SHROOM1: variants seen among roughly 807,000 people sequenced by gnomAD.
SHROOM1 encodes the protein protein Shroom1.
SHROOM1 carries 53 observed loss-of-function variants against 64.2 expected under a neutral mutation model. The ratio of observed to expected loss-of-function variants is 0.83; its 90% confidence interval spans 0.66 to 1.04. The LOEUF is 1.04. Among genes scored for constraint, SHROOM1 ranks in the 50% least tolerant of loss-of-function variants. The probability of loss-of-function intolerance (pLI) is 0.00; values close to 1 mark genes in which losing one functional copy is unlikely to be tolerated. For synonymous variants in SHROOM1, 490 were observed against 518.9 expected, an observed-to-expected ratio of 0.94 and a Z score of 0.76; for missense variants, 1,179 against 1,163.2, an observed-to-expected ratio of 1.01 and a Z score of -0.20.
intron 1 of SHROOM1, among the ~76,000 whole-genome samples, chr5:132,828,433 G>A (rs1335505317): frequency 2.6e-5 from 4 of 152,130 alleles, no homozygotes; most frequent in Non-Finnish European, 4.4e-5. Flanking sequence ...TAAACTTTAG[G>A]AGGACAAGAA....
rs34156944 is a variant in SHROOM1, at chr5:132,823,659, C to A, written c.1917G>T (p.Gly639=). Residue 639 remains glycine, a synonymous_variant, in exon 8 of 10, where the codon GGG becomes GGT. Transcript: ENST00000378679. This position sits in a 1 kb window ranked among gnomAD's most constrained non-coding sequence, Gnocchi z 4.6. Reference sequence around the variant, plus strand: ...GGATGCTGTTGTTTGGTGCAGGGAGCCCCTGCCCACATGGCTGGTCAAGCA... The same window carrying A: ...GGATGCTGTTGTTTGGTGCAGGGAGACCCTGCCCACATGGCTGGTCAAGCA... ...HPVLDQPCGQ[G]LPAPNNSIQG... is the part of the protein sequence containing the mutation. 3.6e-3 allele frequency: 5,751 copies of A among 1,608,578 alleles called. 190 individuals carry two copies. The African/African-American group carries it at 0.067, about 19-fold the overall frequency.
rs1326098964 is a variant in SHROOM1 at position 132,822,310 on chromosome 5, A to G, written c.*486T>C. ...TAAATTAATTACCAAATAATACACAAGACCTGGGTGAGGCCACATGAGAAC... is the reference window on the plus strand; with the variant it reads ...TAAATTAATTACCAAATAATACACAGGACCTGGGTGAGGCCACATGAGAAC... On this transcript the variant is annotated 3_prime_UTR_variant, in exon 10 of 10. Coordinates refer to ENST00000378679, the MANE Select transcript of SHROOM1 (RefSeq NM_001172700.2). 1 of 148,206 alleles carries G rather than the reference A, an allele frequency of 6.7e-6. No homozygotes were observed. Among genetic ancestry groups the G allele is most frequent in the African/African-American group, 2.5e-5 (1 of 40,604 alleles). The allele number at this position is 148,206 out of a possible 1,614,324, so 9.2% of individuals were successfully genotyped here.
At position 132,825,440 on chromosome 5, in the gene SHROOM1, C is replaced by T. The variant is rs772739952; in HGVS notation, c.701G>A (p.Arg234Gln). Residue 234 changes from arginine to glutamine, a missense_variant, in exon 4 of 10, where the codon CGG becomes CAG. Coordinates refer to ENST00000378679, the MANE Select transcript of SHROOM1 (RefSeq NM_001172700.2). The surrounding 1 kb of genome is among the most constrained non-coding windows in gnomAD (Gnocchi z 5.1). ...SEPGKLDRVG[R>Q]GGGPARECLG... ...GCATTCCCGCGCCGGCCCACCGCCC[C>T]GACCCACACGATCCAGCTTTCCTGG... is the stretch of plus-strand genomic sequence containing the variant. 7 of 1,588,020 alleles carry T rather than the reference C, an allele frequency of 4.4e-6. No individual in the cohort carries two copies. Among genetic ancestry groups the T allele is most frequent in the Non-Finnish European group, 6.0e-6 (7 of 1,173,410 alleles).
At chr5:132,827,008 C>T (rs568006161) in intron 2 of SHROOM1, among the ~76,000 whole-genome samples, 73 of 152,346 alleles carry the variant, frequency 4.8e-4, no homozygotes, top group Non-Finnish European at 4.4e-4. Context: ...CCTACCTCCC[C>T]ATACACTATT....
rs1264201396 is a variant in SHROOM1 at position 132,823,275 on chromosome 5, G to A, written c.2201C>T (p.Ala734Val). 3 of 1,599,160 alleles carry A rather than the reference G, an allele frequency of 1.9e-6. No individual in the cohort carries two copies. In the South Asian group the frequency reaches 3.3e-5, roughly 18 times the overall value. The change falls in exon 9 of 10, where the codon GCC becomes GTC. Residue 734 changes from alanine to valine, a missense_variant. Coordinates refer to ENST00000378679, the MANE Select transcript of SHROOM1 (RefSeq NM_001172700.2). The surrounding 1 kb of genome is among the most constrained non-coding windows in gnomAD (Gnocchi z 4.6). ...CTGCTCATCAGGGTCGCTGTCTGAG[G>A]CCGCCCGGGCCAGGGCGCGGCGCAC... Reference protein sequence around the residue: ...ARVRRALARAASDSDPDEQAS... With the variant: ...ARVRRALARAVSDSDPDEQAS...
intron 1 of SHROOM1, among the ~76,000 whole-genome samples, chr5:132,829,125 C>T (rs1202380247): frequency 6.6e-6 from 1 of 152,228 alleles, no homozygotes; most frequent in Non-Finnish European, 1.5e-5. Flanking sequence ...CTCTCCAGAG[C>T]AGAGGGAGCA....
At position 132,826,334 on chromosome 5, in the gene SHROOM1, G is replaced by A; in HGVS notation, c.-100C>T. On this transcript the variant is annotated 5_prime_UTR_variant, in exon 3 of 10. Transcript: ENST00000378679. Reference sequence around the variant, plus strand: ...CTGGCATCCCCCAGATTTTGGCAGAGTCACCTTGGGATCAGAGGTGGCAGA... The same window carrying A: ...CTGGCATCCCCCAGATTTTGGCAGAATCACCTTGGGATCAGAGGTGGCAGA... 8.2e-7 allele frequency: 1 copy of A among 1,218,632 alleles called. No homozygotes were observed. The allele number at this position is 1,218,632 out of a possible 1,614,324, so 75.5% of individuals were successfully genotyped here.
In SHROOM1 at chr5:132,830,363, C is replaced by T. The variant is rs1758809050; in HGVS notation, c.-501+231G>A. The stretch of plus-strand genomic sequence containing the variant: ...GCGCCGCCAGCTTAGAGTGGGCCGC[C>T]TCTCCGCCCTGCAGCTCTGCAGCTG... On this transcript the variant is annotated intron_variant, in intron 1 of 9. Coordinates refer to ENST00000378679, the MANE Select transcript of SHROOM1 (RefSeq NM_001172700.2). This position sits in a 1 kb window ranked among gnomAD's most constrained non-coding sequence, Gnocchi z 5.9. The T allele has an allele frequency of 1.0e-6, 1 of 984,986 alleles. No homozygotes were observed. Among genetic ancestry groups the T allele is most frequent in the African/African-American group, 1.7e-5 (1 of 57,180 alleles). 61.0% of individuals were successfully genotyped at this position (984,986 alleles called of 1,614,324 possible).
Position 132,826,107 on chromosome 5 carries a change from A to G in SHROOM1, c.34T>C (p.Ser12Pro), listed in dbSNP as rs1175999444. The change falls in exon 4 of 10, where the codon TCC becomes CCC. Residue 12 changes from serine (S) to proline (P), a missense_variant. Coordinates refer to ENST00000378679, the MANE Select transcript of SHROOM1 (RefSeq NM_001172700.2). The stretch of plus-strand genomic sequence containing the variant: ...AGGCTGCTAGTGGACGAGGCCGGGG[A>G]GGCGCGGTCGCCCCCAGGTCCCAGG... The part of the protein sequence containing the change: ...EALGPGGDRA[S>P]PASSTSSLDL... 7.1e-7 allele frequency: 1 copy of G among 1,400,174 alleles called. No homozygotes were observed. The allele number at this position is 1,400,174 out of a possible 1,614,324, so 86.7% of individuals were successfully genotyped here. A position where few individuals can be genotyped will look rare whatever the true frequency, so the allele number is the denominator to read the frequency against.
In SHROOM1 at chr5:132,822,888, C is replaced by G. The variant is rs1194214439; in HGVS notation, c.2467G>C (p.Asp823His). The G allele has an allele frequency of 6.2e-7, 1 of 1,613,622 alleles. No homozygotes were observed. The highest frequency in any genetic ancestry group is 1.3e-5 in the African/African-American group (1 of 75,076). ...GGAGACGGGGCATGATGGCCAAGGT[C>G]GTCCCTGATGGCGTCCAGTTGGTCC... ...LQDQLDAIRD[D>H]LGHHAPSPSP... Residue 823 changes from aspartate to histidine, a missense_variant, in exon 10 of 10, where the codon GAC becomes CAC. Transcript: ENST00000378679.
chr5:132,829,997 G>C, intron 1 of SHROOM1: 1 of 985,478 alleles, frequency 1.0e-6, no homozygotes, highest in Non-Finnish European at 1.2e-6. Flanking sequence ...CACCCGGGGA[G>C]AGGCGGCCGC....
At position 132,823,330 on chromosome 5, in the gene SHROOM1, G is replaced by T; in HGVS notation, c.2146C>A (p.Leu716Met). 1 of 1,605,328 alleles carries T rather than the reference G, an allele frequency of 6.2e-7. No individual in the cohort carries two copies. The part of the protein sequence containing the change: ...MADLERVLGL[L>M]LLLGSRLARV... ...GCCAGGCGACTGCCCAGCAGCAGCA[G>T]AAGGCCAAGCACGCGCTCTAGGTCG... The change falls in exon 9 of 10, where the codon CTG becomes ATG. Residue 716 changes from leucine to methionine, a missense_variant. Physicochemically the swap from Leu to Met is conservative, Grantham distance 15 (BLOSUM62 2). Coordinates refer to ENST00000378679, the MANE Select transcript of SHROOM1 (RefSeq NM_001172700.2). This position sits in a 1 kb window ranked among gnomAD's most constrained non-coding sequence, Gnocchi z 4.6.
chr5:132,825,042 G>C lies in SHROOM1; in HGVS notation c.1010C>G (p.Pro337Arg). The C allele has an allele frequency of 1.2e-6, 2 of 1,614,124 alleles. No homozygotes were observed. The highest frequency in any genetic ancestry group is 1.7e-6 in the Non-Finnish European group (2 of 1,180,016). Residue 337 changes from proline to arginine, a missense_variant, in exon 5 of 10, where the codon CCA (proline) becomes CGA (arginine). Physicochemically the swap from Pro to Arg is moderately radical, Grantham distance 103. Coordinates refer to ENST00000378679, the MANE Select transcript of SHROOM1 (RefSeq NM_001172700.2). The surrounding 1 kb of genome is among the most constrained non-coding windows in gnomAD (Gnocchi z 5.1). Reference protein sequence around the residue: ...AVPQGAETPRPLFQTKLSRFL... With the variant: ...AVPQGAETPRRLFQTKLSRFL... ...CCTGGAAAGTTTGGTCTGAAACAAT[G>C]GTCTGGGGGTTTCTGCTCCTTGGGG...
At position 132,830,021 on chromosome 5, in the gene SHROOM1, C is replaced by T. The variant is rs1195695819; in HGVS notation, c.-501+573G>A. The T allele has an allele frequency of 1.0e-6, 1 of 985,344 alleles. No homozygotes were observed. 61.0% of individuals were successfully genotyped at this position (985,344 alleles called of 1,614,324 possible). ...AGAGGCGGCCGCGGGCGTGGACAGA[C>T]CCGGTTACCTGGGGTTCAATCTCTG... On this transcript the variant is annotated intron_variant, in intron 1 of 9. Transcript: ENST00000378679. The surrounding 1 kb of genome is among the most constrained non-coding windows in gnomAD (Gnocchi z 5.9).
intron 1 of SHROOM1, chr5:132,829,803 G>C: frequency 3.0e-6 from 3 of 985,436 alleles, no homozygotes; most frequent in Non-Finnish European, 3.6e-6. Flanking sequence ...GAAGTTCACC[G>C]GCTCTCCCTG....
intron 2 of SHROOM1, 80 bp downstream of exon 2, chr5:132,827,381 C>T: frequency 6.6e-6 from 1 of 152,512 alleles, no homozygotes; most frequent in Non-Finnish European, 1.5e-5. Flanking sequence ...CTTTGGGAGG[C>T]CGAGGTGGGC....
rs776358047 is a variant in SHROOM1 at position 132,825,237 on chromosome 5, T to C, written c.904A>G (p.Ser302Gly). ...TCGCCTGAAGCGCTCCGACTCCGAC[T>C]GGCGGGCCTGAAGGCATCACCGAGC... ...LKLGDAFRPA[S>G]RSRSASGEVL... The change falls in exon 4 of 10, where the codon AGT becomes GGT. Residue 302 changes from serine (S) to glycine (G), a missense_variant. By Grantham distance (56) the Ser-to-Gly change is moderately conservative (BLOSUM62 0). Coordinates refer to ENST00000378679, the MANE Select transcript of SHROOM1 (RefSeq NM_001172700.2). This position sits in a 1 kb window ranked among gnomAD's most constrained non-coding sequence, Gnocchi z 5.1. 15 of 1,613,854 alleles carry C rather than the reference T, an allele frequency of 9.3e-6. No homozygotes were observed. Among genetic ancestry groups the C allele is most frequent in the African/African-American group, 2.7e-5 (2 of 74,936 alleles).
At chr5:132,828,532 CTCTT>C (rs1183076423) in intron 1 of SHROOM1, among the ~76,000 whole-genome samples, 8 of 152,194 alleles carry the variant, frequency 5.3e-5, no homozygotes, top group African/African-American at 1.9e-4. Flanking sequence ...TCTCTTCCTA[CTCTT>C]TCTGAGTCCA....
At position 132,822,349 on chromosome 5, in the gene SHROOM1, ATCTT is replaced by A. The variant is rs1758468861; in HGVS notation, c.*443_*446del. 3 of 86,320 alleles carry A rather than the reference ATCTT, an allele frequency of 3.5e-5. No homozygotes were observed. Among genetic ancestry groups the A allele is most frequent in the Non-Finnish European group, 7.3e-5 (3 of 41,366 alleles). The allele number at this position is 86,320 out of a possible 1,614,324, so 5.3% of individuals were successfully genotyped here. On this transcript the variant is annotated 3_prime_UTR_variant, in exon 10 of 10. Transcript: ENST00000378679. Reference sequence around the variant, plus strand: ...CCACATGAGAACACTTTGGAGAAGTATCTTTTTTTTTTTTTTTTTTTTTTTTTTT... The same window carrying A: ...CCACATGAGAACACTTTGGAGAAGTATTTTTTTTTTTTTTTTTTTTTTTTT...
Sources: allele counts gnomAD v4.1 joint callset (sites outside exome capture counted in the v4.1 genomes callset), GRCh38; gene constraint gnomAD v4.1.1; non-coding constraint Gnocchi (gnomAD v3.1); transcripts MANE v1.5; gene names NCBI Gene and HGNC (gene_info 2026-07-23, HGNC 2026-07-21).